SIN3A: variants seen among roughly 807,000 people sequenced by gnomAD.
The protein encoded by SIN3A is paired amphipathic helix protein Sin3a.
Under a neutral mutation model 146.1 loss-of-function variants are expected in SIN3A, and 14 were observed. That is an observed-to-expected ratio of 0.10 (90% CI 0.06 to 0.15). The LOEUF (loss-of-function observed/expected upper bound fraction) is 0.15. Among genes scored for constraint, SIN3A ranks in the 10% least tolerant of loss-of-function variants. SIN3A has a pLI of 1.00. For synonymous variants in SIN3A, 572 were observed against 572.0 expected, an observed-to-expected ratio of 1.00 and a Z score of 0.00; for missense variants, 1,028 against 1,576.0, an observed-to-expected ratio of 0.65 and a Z score of 5.89.
chr15:75,424,811 T>A lies in SIN3A; in HGVS notation c.190-1988A>T, dbSNP rs187362360. On this transcript the variant is annotated intron_variant, in intron 2 of 20. Transcript: ENST00000394947. ...ACTGGATTTTACAAATAAAAAATGA[T>A]CATGTCCAATTGCTCTAATAGTTTC... 3.1e-4 allele frequency among the ~76,000 whole-genome samples: 47 copies of A among 152,264 alleles called. No individual in the cohort carries two copies. The East Asian group carries it at 8.7e-3, about 28-fold the overall frequency.
chr15:75,433,664 G>A (rs1394613445), intron 1 of SIN3A, among the ~76,000 whole-genome samples: 1 of 151,920 alleles, frequency 6.6e-6, no homozygotes, highest in Non-Finnish European at 1.5e-5. Flanking sequence ...CAAAAAATTA[G>A]CCAGGCGTAG....
At chr15:75,407,238 ACTGCTGATTAATAAT>A in intron 8 of SIN3A, 94 bp from the exon 9 acceptor site, 1 of 732,014 alleles carries the variant, frequency 1.4e-6, no homozygotes, top group Non-Finnish European at 2.3e-6. Flanking sequence ...CACTGAAACC[ACTGCTGATTAATAAT>A]TTGAAACAAA....
upstream of SIN3A, chr15:75,455,762 A>G (rs2074479424): frequency 6.6e-6 from 1 of 152,150 alleles, no homozygotes; most frequent in African/African-American, 2.4e-5. Context: ...TGGGGGGACC[A>G]AATTAAAAGC....
chr15:75,411,506 A>G lies in SIN3A; in HGVS notation c.994T>C (p.Leu332=), dbSNP rs764470441. Residue 332 remains leucine (L), a synonymous_variant, in exon 6 of 21, where the codon TTG becomes CTG. Transcript: ENST00000394947. ...GCACTCCTTACCTGATATGTGTGCA[A>G]AATCTCCAGGAATGCTTTGTAGATG... ...PDIYKAFLEI[L]HTYQKEQRNA... is the part of the protein sequence containing the mutation. The G allele has an allele frequency of 3.1e-6, 5 of 1,613,936 alleles. No homozygotes were observed. The Admixed American group carries it at 6.7e-5, about 22-fold the overall frequency.
At chr15:75,394,907 AG>A in intron 13 of SIN3A, 44 bp from the exon 14 acceptor site, 1 of 1,544,788 alleles carries the variant, frequency 6.5e-7, no homozygotes, top group Non-Finnish European at 8.7e-7. Context: ...GGGAATTCAG[AG>A]GGTTTAGAAG....
intron 1 of SIN3A, among the ~76,000 whole-genome samples, chr15:75,433,417 GT>G (rs1369650613): frequency 6.6e-6 from 1 of 152,158 alleles, no homozygotes; most frequent in Non-Finnish European, 1.5e-5. Context: ...TCTTTTGGCT[GT>G]TAAAATATCG....
At chr15:75,398,806 T>TTTA (rs1312667451) in intron 12 of SIN3A, among the ~76,000 whole-genome samples, 2 of 151,842 alleles carry the variant, frequency 1.3e-5, no homozygotes, top group Non-Finnish European at 2.9e-5. Context: ...ACCCAAGAGT[T>TTTA]TGAGACCAGC....
chr15:75,436,955 G>C (rs906201733), intron 1 of SIN3A, among the ~76,000 whole-genome samples: 2 of 152,188 alleles, frequency 1.3e-5, no homozygotes, highest in African/African-American at 4.8e-5. Context: ...AAAATAGTAA[G>C]TTTAGACTTG....
At chr15:75,442,090 A>C (rs2074222454) in intron 1 of SIN3A, among the ~76,000 whole-genome samples, 1 of 121,944 alleles carries the variant, frequency 8.2e-6, no homozygotes, top group Non-Finnish European at 1.6e-5. Flanking sequence ...ACTGCACTCC[A>C]GCCTGGGTAA....
upstream of SIN3A, among the ~76,000 whole-genome samples, chr15:75,452,567 G>C (rs1249622126): frequency 6.6e-6 from 1 of 152,244 alleles, no homozygotes; most frequent in African/African-American, 2.4e-5. Context: ...GTAGAGTACA[G>C]AACTAAGGTC....
intron 20 of SIN3A, among the ~76,000 whole-genome samples, chr15:75,374,421 G>A (rs1285261038): frequency 6.6e-6 from 1 of 152,226 alleles, no homozygotes; most frequent in Non-Finnish European, 1.5e-5. Flanking sequence ...TGTAATTCTT[G>A]CAATTCCACT....
intron 1 of SIN3A, among the ~76,000 whole-genome samples, chr15:75,431,817 A>T (rs2074018521): frequency 6.6e-6 from 1 of 152,152 alleles, no homozygotes. Flanking sequence ...CTGCCACTCT[A>T]ATCCTTAGCT....
intron 10 of SIN3A, among the ~76,000 whole-genome samples, chr15:75,401,562 A>T (rs75577170): frequency 0.031 from 4,746 of 152,136 alleles, 224 homozygotes; most frequent in African/African-American, 0.1. Context: ...AATAATTTTT[A>T]AAAAAATTCC....
chr15:75,450,003 C>T (rs965863465), intron 1 of SIN3A, among the ~76,000 whole-genome samples: 4 of 152,144 alleles, frequency 2.6e-5, no homozygotes, highest in African/African-American at 9.7e-5. Context: ...TGGTCTCGAA[C>T]TCCTGACCTC....
chr15:75,431,600 A>G (rs1402748801), intron 1 of SIN3A, among the ~76,000 whole-genome samples: 1 of 152,176 alleles, frequency 6.6e-6, no homozygotes, highest in Non-Finnish European at 1.5e-5. Flanking sequence ...AATTTACAGT[A>G]ATAGTGGGAG....
intron 1 of SIN3A, among the ~76,000 whole-genome samples, chr15:75,441,792 G>A (rs1365438392): frequency 1.3e-5 from 2 of 151,992 alleles, no homozygotes; most frequent in African/African-American, 4.8e-5. Flanking sequence ...ATAATCATAA[G>A]CATTCTCATT....
rs1244643590 is a variant in SIN3A, at chr15:75,396,416, A to C, written c.1935T>G (p.Ala645=). Residue 645 remains alanine (A), a synonymous_variant, in exon 13 of 21, where the codon GCT becomes GCG. Coordinates refer to ENST00000394947, the MANE Select transcript of SIN3A (RefSeq NM_001145358.2). ...AIQKKLSRLS[A]EEQAKFRLDN... is the part of the protein sequence containing the mutation. Reference sequence around the variant, plus strand: ...CCAAGCGAAATTTGGCTTGTTCTTCAGCAGACAAGCGGGAAAGCTTCTTCT... The same window carrying C: ...CCAAGCGAAATTTGGCTTGTTCTTCCGCAGACAAGCGGGAAAGCTTCTTCT... 2 of 1,614,042 alleles carry C rather than the reference A, an allele frequency of 1.2e-6. No homozygotes were observed. The highest frequency in any genetic ancestry group is 1.3e-5 in the African/African-American group (1 of 74,902).
chr15:75,378,583 CA>C (rs1381685329), intron 19 of SIN3A, among the ~76,000 whole-genome samples: 3 of 152,058 alleles, frequency 2.0e-5, no homozygotes, highest in Non-Finnish European at 4.4e-5. Context: ...AAAACAAAAA[CA>C]AAAACTATCA....
Position 75,389,771 on chromosome 15 carries a change from T to A in SIN3A, c.2902A>T (p.Ser968Cys). ...GAGTCTATGTTGCCATCCAGCAGGC[T>A]CCGCACCATGTCCAGGAAAGCTGGG... ...YYPAFLDMVRSLLDGNIDSSQ... is the reference protein window; with the variant it reads ...YYPAFLDMVRCLLDGNIDSSQ... The change falls in exon 16 of 21, where the codon AGC (serine) becomes TGC (cysteine). Residue 968 changes from serine (S) to cysteine (C), a missense_variant. Ser to Cys is a moderately radical substitution (Grantham distance 112). This residue lies in a region of SIN3A where 488 missense variants were observed against 690.2 expected (regional missense o/e 0.71). Coordinates refer to ENST00000394947, the MANE Select transcript of SIN3A (RefSeq NM_001145358.2). 6.2e-7 allele frequency: 1 copy of A among 1,614,090 alleles called. No individual in the cohort carries two copies.
Sources: allele counts gnomAD v4.1 joint callset (sites outside exome capture counted in the v4.1 genomes callset), GRCh38; gene constraint gnomAD v4.1.1; regional missense constraint gnomAD v4.1.1; transcripts MANE v1.5; gene names NCBI Gene and HGNC (gene_info 2026-07-23, HGNC 2026-07-21).